The following GRM1 variants were observed in gnomAD, a reference collection of about 807,000 sequenced individuals.
The protein encoded by GRM1 is metabotropic glutamate receptor 1.
GRM1 carries 33 observed loss-of-function variants against 90.9 expected under a neutral mutation model. The ratio of observed to expected loss-of-function variants is 0.36; its 90% CI spans 0.28 to 0.49. The LOEUF (loss-of-function observed/expected upper bound fraction) is 0.49. GRM1 is among the 20% of genes least tolerant of loss of function. The pLI, the probability that GRM1 is intolerant of heterozygous loss-of-function variation, is 0.99. For synonymous variants in GRM1, 700 were observed against 613.2 expected (o/e 1.14, Z -2.09); for missense variants, 1,190 against 1,534.3 (o/e 0.78, Z 3.75).
chr6:146,375,741 A>G (rs1392139923), intron 5 of GRM1, among the ~76,000 whole-genome samples: 1 of 152,010 alleles, frequency 6.6e-6, no homozygotes, highest in Non-Finnish European at 1.5e-5. Flanking sequence ...AGCACGGATT[A>G]TCTTTTGCCA....
At chr6:146,040,797 G>T (rs1791070035) in intron 1 of GRM1, among the ~76,000 whole-genome samples, 1 of 151,812 alleles carries the variant, frequency 6.6e-6, no homozygotes, top group Admixed American at 6.6e-5. Context: ...TCTAGGGTTG[G>T]GGAGTTTTCT....
intron 2 of GRM1, among the ~76,000 whole-genome samples, chr6:146,262,345 T>C (rs977287972): frequency 3.3e-5 from 5 of 152,070 alleles, no homozygotes; most frequent in African/African-American, 1.2e-4. Context: ...TTAGGAGTCA[T>C]TAGATTTTCA....
chr6:146,402,288 C>T (rs80204873), intron 7 of GRM1, among the ~76,000 whole-genome samples: 3,625 of 152,228 alleles, frequency 0.024, 147 homozygotes, highest in African/African-American at 0.078. Context: ...GTATTTGAGG[C>T]TAACCTTCTA....
chr6:146,197,071 G>C (rs930180369), intron 2 of GRM1, among the ~76,000 whole-genome samples: 2 of 152,160 alleles, frequency 1.3e-5, no homozygotes, highest in African/African-American at 2.4e-5. Context: ...TGGAGTTCAG[G>C]AGAGAATTCC....
At chr6:146,425,121 A>G (rs78590818) in intron 7 of GRM1, among the ~76,000 whole-genome samples, 3,676 of 152,330 alleles carry the variant, frequency 0.024, 139 homozygotes, top group African/African-American at 0.083. Flanking sequence ...TACTCTCGGT[A>G]AATCATGCAC....
Position 146,244,124 on chromosome 6 carries a change from G to A in GRM1, c.951-60487G>A, listed in dbSNP as rs559735469. On this transcript the variant is annotated intron_variant, in intron 2 of 7. Coordinates refer to ENST00000282753, the MANE Select transcript of GRM1 (RefSeq NM_001278064.2). ...TATTGTTTAAACACACATGAGTTAT[G>A]AACAATTTGTGCAGTTAACACAATC... Among the ~76,000 whole-genome samples the A allele has an allele frequency of 4.6e-5, 7 of 152,118 alleles. No homozygotes were observed. In the South Asian group the frequency reaches 1.5e-3, roughly 32 times the overall value.
At chr6:146,110,390 CGCCATGTGAGATGT>C (rs947488502) in intron 1 of GRM1, among the ~76,000 whole-genome samples, 2 of 152,124 alleles carry the variant, frequency 1.3e-5, no homozygotes, top group African/African-American at 4.8e-5. Flanking sequence ...TCTTGTCTGC[CGCCATGTGAGATGT>C]GCCTTTCACC....
At chr6:146,065,918 C>T (rs1471453576) in intron 1 of GRM1, among the ~76,000 whole-genome samples, 1 of 150,726 alleles carries the variant, frequency 6.6e-6, no homozygotes, top group Non-Finnish European at 1.5e-5. Context: ...AGGACATGCA[C>T]ATAAGACAGG....
chr6:146,402,730 A>C (rs1297452622), intron 7 of GRM1, among the ~76,000 whole-genome samples: 1 of 152,186 alleles, frequency 6.6e-6, no homozygotes, highest in Non-Finnish European at 1.5e-5. Context: ...GTCCAACGGC[A>C]TTCTCATGAC....
At chr6:146,183,954 C>T (rs1778634940) in intron 2 of GRM1, among the ~76,000 whole-genome samples, 1 of 152,156 alleles carries the variant, frequency 6.6e-6, no homozygotes, top group Admixed American at 6.5e-5. Flanking sequence ...AATCAGGCCA[C>T]TTAGTCTGTA....
At chr6:146,355,839 G>T (rs563675698) in intron 4 of GRM1, among the ~76,000 whole-genome samples, 1 of 152,158 alleles carries the variant, frequency 6.6e-6, no homozygotes. Flanking sequence ...TGAGAGGGGC[G>T]AGGGATGAAG....
chr6:146,078,084 G>T (rs796473035), intron 1 of GRM1, among the ~76,000 whole-genome samples: 10 of 152,282 alleles, frequency 6.6e-5, no homozygotes, highest in African/African-American at 2.4e-4. Context: ...ATAAGCAAAA[G>T]AACACTATTG....
intron 7 of GRM1, among the ~76,000 whole-genome samples, chr6:146,427,280 G>A (rs1778244703): frequency 6.6e-6 from 1 of 152,156 alleles, no homozygotes; most frequent in African/African-American, 2.4e-5. Context: ...AATGATGCAT[G>A]TTTGGTCCCA....
At chr6:146,268,178 T>C (rs573481662) in intron 2 of GRM1, among the ~76,000 whole-genome samples, 4 of 152,368 alleles carry the variant, frequency 2.6e-5, no homozygotes, top group African/African-American at 7.2e-5. Context: ...TCAAGATTTT[T>C]GTTTTTACTT....
intron 1 of GRM1, among the ~76,000 whole-genome samples, chr6:146,154,492 G>T (rs1156844146): frequency 6.6e-6 from 1 of 152,142 alleles, no homozygotes; most frequent in Non-Finnish European, 1.5e-5. Context: ...ATTTTGTGAT[G>T]TGTTAATGCT....
At chr6:146,105,091 G>C (rs1777182780) in intron 1 of GRM1, among the ~76,000 whole-genome samples, 1 of 152,090 alleles carries the variant, frequency 6.6e-6, no homozygotes, top group Non-Finnish European at 1.5e-5. Flanking sequence ...AAAGTTTTCT[G>C]TGATGCAATT....
At chr6:146,243,029 T>G (rs764426533) in intron 2 of GRM1, among the ~76,000 whole-genome samples, 41 of 152,144 alleles carry the variant, frequency 2.7e-4, no homozygotes, top group Non-Finnish European at 5.1e-4. Context: ...AGAGGTCACC[T>G]GACCTTTAAT....
At chr6:146,194,776 G>A (rs17075725) in intron 2 of GRM1, among the ~76,000 whole-genome samples, 1,863 of 152,244 alleles carry the variant, frequency 0.012, 78 homozygotes, top group East Asian at 0.091. Flanking sequence ...TCTTTGCTTC[G>A]GTTCAACTGT....
Position 146,159,501 on chromosome 6 carries a change from G to C in GRM1, c.854G>C (p.Arg285Thr). ...RKLRERLPKA[R>T]VVVCFCEGMT... is the part of the protein sequence containing the mutation. ...CTCCGAGAGAGGCTTCCCAAGGCTA[G>C]AGTGGTGGTCTGCTTCTGTGAAGGC... The change falls in exon 2 of 8, where the codon AGA (arginine) becomes ACA (threonine). Residue 285 changes from arginine (R) to threonine (T), a missense_variant. Transcript: ENST00000282753. 2 of 1,614,202 alleles carry C rather than the reference G, an allele frequency of 1.2e-6. No individual in the cohort carries two copies. Among genetic ancestry groups the C allele is most frequent in the Non-Finnish European group, 1.7e-6 (2 of 1,180,018 alleles).
Sources: gnomAD v4.1 joint callset for allele counts (sites outside exome capture counted in the v4.1 genomes callset) on GRCh38, gnomAD v4.1.1 for gene constraint, MANE v1.5 for transcripts, NCBI Gene and HGNC (gene_info 2026-07-23, HGNC 2026-07-21) for gene names.